RSU1: variants seen among roughly 807,000 people sequenced by gnomAD.
RSU1 encodes the protein rsu-1.
In RSU1, 26 loss-of-function variants were observed where a neutral mutation model predicts 31.1. That is an observed-to-expected ratio of 0.84 (90% CI 0.61 to 1.16). The LOEUF (loss-of-function observed/expected upper bound fraction) is 1.16, where lower values mean the gene tolerates loss of function less well. RSU1 is among the 50% of genes most tolerant of loss of function. The pLI, the probability that RSU1 is intolerant of heterozygous loss-of-function variation, is 0.00. For missense variants in RSU1, 320 were observed against 339.1 expected (o/e 0.94, Z 0.44); for synonymous variants, 164 against 136.3 (o/e 1.20, Z -1.41).
intron 8 of RSU1, among the ~76,000 whole-genome samples, chr10:16,639,203 T>C (rs1834397704): frequency 6.6e-6 from 1 of 152,224 alleles, no homozygotes; most frequent in Non-Finnish European, 1.5e-5. Flanking sequence ...GTGAGAAGTG[T>C]GATCAAAATC....
chr10:16,700,577 A>G (rs998701105), intron 7 of RSU1, among the ~76,000 whole-genome samples: 1 of 152,264 alleles, frequency 6.6e-6, no homozygotes, highest in Non-Finnish European at 1.5e-5. Flanking sequence ...ATAAGTCTCC[A>G]TAATTCTCAT....
chr10:16,594,639 GATAT>G (rs940460758), intron 8 of RSU1, among the ~76,000 whole-genome samples: 2 of 142,548 alleles, frequency 1.4e-5, no homozygotes, highest in Non-Finnish European at 3.0e-5. Context: ...TAGATAATAT[GATAT>G]ATATGATATA....
intron 2 of RSU1, among the ~76,000 whole-genome samples, chr10:16,792,047 A>AC (rs1163618056): frequency 6.6e-6 from 1 of 152,212 alleles, no homozygotes; most frequent in Non-Finnish European, 1.5e-5. Flanking sequence ...CTGAAAACAC[A>AC]CAAAATGATA....
chr10:16,780,021 G>A (rs1046492734), intron 3 of RSU1, among the ~76,000 whole-genome samples: 2 of 152,140 alleles, frequency 1.3e-5, no homozygotes, highest in African/African-American at 4.8e-5. Flanking sequence ...TGGCAAGGCA[G>A]AAATATAAAG....
intron 8 of RSU1, among the ~76,000 whole-genome samples, chr10:16,661,505 G>A (rs200941621): frequency 3.3e-5 from 5 of 152,050 alleles, no homozygotes; most frequent in East Asian, 1.9e-4. Context: ...GGCAAGTAGC[G>A]TATACTTATA....
chr10:16,664,928 T>C (rs1564307343), intron 8 of RSU1, among the ~76,000 whole-genome samples: 1 of 152,106 alleles, frequency 6.6e-6, no homozygotes, highest in Admixed American at 6.6e-5. Flanking sequence ...TGTGTCTGAC[T>C]CAGTTCTTTT....
intron 2 of RSU1, among the ~76,000 whole-genome samples, chr10:16,813,344 C>CA (rs1215460671): frequency 6.6e-6 from 1 of 152,136 alleles, no homozygotes; most frequent in Non-Finnish European, 1.5e-5. Context: ...ATAAGCCACA[C>CA]AAAAAATTCC....
At chr10:16,757,353 C>T (rs947714128) in intron 4 of RSU1, among the ~76,000 whole-genome samples, 1 of 152,142 alleles carries the variant, frequency 6.6e-6, no homozygotes, top group Non-Finnish European at 1.5e-5. Flanking sequence ...TCAGCTCCAT[C>T]CAGCCCTACC....
intron 7 of RSU1, among the ~76,000 whole-genome samples, chr10:16,719,816 T>C (rs528848125): frequency 6.6e-6 from 1 of 152,202 alleles, no homozygotes; most frequent in African/African-American, 2.4e-5. Flanking sequence ...GCTTCTCTCA[T>C]TCAGTAAGGA....
chr10:16,778,872 A>G (rs907290000), intron 3 of RSU1, among the ~76,000 whole-genome samples: 1 of 152,228 alleles, frequency 6.6e-6, no homozygotes, highest in Non-Finnish European at 1.5e-5. Flanking sequence ...CATGAGAGTA[A>G]GCCAGCCTTC....
At chr10:16,644,438 C>T (rs1834499668) in intron 8 of RSU1, among the ~76,000 whole-genome samples, 1 of 152,156 alleles carries the variant, frequency 6.6e-6, no homozygotes, top group Non-Finnish European at 1.5e-5. Flanking sequence ...AGATACCTGG[C>T]TGTGTGTGTT....
At chr10:16,788,673 A>G (rs61844016) in intron 2 of RSU1, among the ~76,000 whole-genome samples, 21,697 of 152,192 alleles carry the variant, frequency 0.14, 1,784 homozygotes, top group East Asian at 0.23. Context: ...ACACCTCAAG[A>G]TCCAAGACGA....
chr10:16,793,832 T>C (rs557115061), intron 2 of RSU1, among the ~76,000 whole-genome samples: 1 of 151,526 alleles, frequency 6.6e-6, no homozygotes, highest in African/African-American at 2.4e-5. Context: ...TGAATGTTAT[T>C]TGTCAACTTG....
At chr10:16,738,901 C>T (rs1836692831) in intron 7 of RSU1, among the ~76,000 whole-genome samples, 1 of 151,808 alleles carries the variant, frequency 6.6e-6, no homozygotes, top group African/African-American at 2.4e-5. Context: ...TGATGTTCCC[C>T]TCCCTGTTGT....
intron 7 of RSU1, among the ~76,000 whole-genome samples, chr10:16,747,367 C>T (rs1836876361): frequency 6.6e-6 from 1 of 152,148 alleles, no homozygotes; most frequent in African/African-American, 2.4e-5. Flanking sequence ...CAATGAGACA[C>T]CCTTAAGGCA....
chr10:16,656,149 C>G (rs1229092463), intron 8 of RSU1, among the ~76,000 whole-genome samples: 1 of 151,882 alleles, frequency 6.6e-6, no homozygotes, highest in African/African-American at 2.4e-5. Context: ...TACTGGAAAG[C>G]ATAAAGAGAG....
intron 7 of RSU1, among the ~76,000 whole-genome samples, chr10:16,751,439 A>C (rs1836978188): frequency 6.6e-6 from 1 of 152,182 alleles, no homozygotes; most frequent in African/African-American, 2.4e-5. Flanking sequence ...CTTTAGACTA[A>C]TATGGCTGCC....
intron 3 of RSU1, among the ~76,000 whole-genome samples, chr10:16,776,507 A>C (rs1224856093): frequency 6.6e-6 from 1 of 151,664 alleles, no homozygotes; most frequent in African/African-American, 2.4e-5. Flanking sequence ...AAAAAAACCC[A>C]CATTTTGCCA....
At chr10:16,672,432 T>G (rs1442585825) in intron 8 of RSU1, among the ~76,000 whole-genome samples, 1 of 152,226 alleles carries the variant, frequency 6.6e-6, no homozygotes, top group Non-Finnish European at 1.5e-5. Flanking sequence ...ACAGCAGCTT[T>G]ATTTCTAATA....
Sources: allele counts gnomAD v4.1 joint callset (sites outside exome capture counted in the v4.1 genomes callset), GRCh38; gene constraint gnomAD v4.1.1; transcripts MANE v1.5; gene names NCBI Gene and HGNC (gene_info 2026-07-23, HGNC 2026-07-21).